The following GBP4 variants were observed in gnomAD, a reference collection of about 807,000 sequenced individuals.
GBP4 encodes guanylate binding protein 4.
A neutral mutation model predicts 62.2 loss-of-function variants in GBP4; 69 were observed. The observed-to-expected ratio is 1.11, with a 90% CI of 0.91 to 1.36. The LOEUF (loss-of-function observed/expected upper bound fraction) is 1.36. Among genes scored for constraint, GBP4 ranks in the 40% most tolerant of loss-of-function variants. GBP4 has a pLI of 0.00. For synonymous variants in GBP4, 278 were observed against 274.6 expected (o/e 1.01, Z -0.12); for missense variants, 697 against 759.3 (o/e 0.92, Z 0.96).
chr1:89,185,357 A>C lies in GBP4; in HGVS notation c.1820T>G (p.Leu607Arg). 3.7e-6 allele frequency: 6 copies of C among 1,610,268 alleles called. No individual in the cohort carries two copies. The East Asian group carries it at 6.7e-5, about 18-fold the overall frequency. ...IESTKNEQLRLLKILDMASNI... is the reference protein window; with the variant it reads ...IESTKNEQLRRLKILDMASNI... ...GCTAGCCATGTCAAGGATCTTTAAGAGCCTTAACTGTTCATTTTTAGTGCT... is the reference window on the plus strand; with the variant it reads ...GCTAGCCATGTCAAGGATCTTTAAGCGCCTTAACTGTTCATTTTTAGTGCT... The change falls in exon 11 of 11, where the codon CTC (leucine) becomes CGC (arginine). Residue 607 changes from leucine to arginine, a missense_variant. This residue lies in a region of GBP4 where 141 missense variants were observed against 196.6 expected (regional missense o/e 0.72). Coordinates refer to ENST00000355754, the MANE Select transcript of GBP4 (RefSeq NM_052941.5).
chr1:89,186,558 A>G (rs758903863), intron 9 of GBP4, 32 bp from the exon 10 acceptor site: 2 of 1,597,482 alleles, frequency 1.3e-6, no homozygotes, highest in Non-Finnish European at 1.7e-6. Context: ...GAGGGAAGAA[A>G]ATGACAGTTA....
rs371719087 is a variant in GBP4 at position 89,193,003 on chromosome 1, A to G, written c.571T>C (p.Phe191Leu). ...SSEFASFFPDFIWTVRDFTLE... is the reference protein window; with the variant it reads ...SSEFASFFPDLIWTVRDFTLE... ...GTAAAATCCCGAACAGTCCAAATAA[A>G]GTCTGGAAAGAAACTCGCAAACTCG... The change falls in exon 5 of 11, where the codon TTT (phenylalanine) becomes CTT (leucine). Residue 191 changes from phenylalanine (F) to leucine (L), a missense_variant. Transcript: ENST00000355754. The G allele has an allele frequency of 2.4e-5, 38 of 1,614,008 alleles. No individual in the cohort carries two copies. The highest frequency in any genetic ancestry group is 3.1e-5 in the Non-Finnish European group (36 of 1,180,010).
At position 89,186,348 on chromosome 1, in the gene GBP4, T is replaced by C; in HGVS notation, c.1692A>G (p.Leu564=). 6.2e-7 allele frequency: 1 copy of C among 1,613,252 alleles called. No individual in the cohort carries two copies. The highest frequency in any genetic ancestry group is 8.5e-7 in the Non-Finnish European group (1 of 1,179,206). ...ENLLREHERL[L]KHKLKVQEEM... is the part of the protein sequence containing the mutation. ...GGAGACTCACCTTCAGCTTGTGTTTTAGCAGCCTTTCATGCTCTCTGAGAA... is the reference window on the plus strand; with the variant it reads ...GGAGACTCACCTTCAGCTTGTGTTTCAGCAGCCTTTCATGCTCTCTGAGAA... Residue 564 remains leucine, a synonymous_variant, in exon 10 of 11, where the codon CTA becomes CTG. Coordinates refer to ENST00000355754, the MANE Select transcript of GBP4 (RefSeq NM_052941.5).
rs146992170 is a variant in GBP4, at chr1:89,186,520, C to T, written c.1520G>A (p.Arg507Gln). Residue 507 changes from arginine to glutamine, a missense_variant, in exon 10 of 11, where the codon CGG (arginine) becomes CAG (glutamine). Coordinates refer to ENST00000355754, the MANE Select transcript of GBP4 (RefSeq NM_052941.5). ...TAGEKAIAAE[R>Q]AMKEAAEKEQ... ...CTTCTCAGCTGCTTCCTTCATGGCCCGCTCCGCTATTCCACAAAGGTTTTA... is the reference window on the plus strand; with the variant it reads ...CTTCTCAGCTGCTTCCTTCATGGCCTGCTCCGCTATTCCACAAAGGTTTTA... 7.4e-5 allele frequency: 119 copies of T among 1,613,750 alleles called. No homozygotes were observed. In the East Asian group the frequency reaches 1.9e-3, roughly 25 times the overall value.
Position 89,190,289 on chromosome 1 carries a change from C to G in GBP4, c.946G>C (p.Asp316His). 4 of 1,610,992 alleles carry G rather than the reference C, an allele frequency of 2.5e-6. No individual in the cohort carries two copies. The South Asian group carries it at 4.4e-5, about 18-fold the overall frequency. Reference sequence around the variant, plus strand: ...GGTACTGCTCCACTGTTGATGGCATCTACATAAGTCACCACCAGAGTCCCC... The same window carrying G: ...GGTACTGCTCCACTGTTGATGGCATGTACATAAGTCACCACCAGAGTCCCC... ...RLGTLVVTYV[D>H]AINSGAVPCL... The change falls in exon 7 of 11, where the codon GAT becomes CAT. Residue 316 changes from aspartate to histidine, a missense_variant. This residue lies in a region of GBP4 where 556 missense variants were observed against 562.7 expected (regional missense o/e 0.99). Transcript: ENST00000355754.
At chr1:89,196,570 A>C (rs1308697191) in intron 2 of GBP4, among the ~76,000 whole-genome samples, 1 of 152,208 alleles carries the variant, frequency 6.6e-6, no homozygotes, top group East Asian at 1.9e-4. Flanking sequence ...CTTCACTGTA[A>C]AGGTATGTTG....
intron 9 of GBP4, among the ~76,000 whole-genome samples, chr1:89,186,782 C>T (rs138960536): frequency 0.011 from 1,631 of 152,300 alleles, 38 homozygotes; most frequent in African/African-American, 0.038. Context: ...AGGAAGCTCC[C>T]TCCTCTATAG....
At position 89,181,940 on chromosome 1, in the gene GBP4, AAC is replaced by A. The variant is rs1647892664; in HGVS notation, c.*3312_*3313del. Reference sequence around the variant, plus strand: ...GACTAAAATACCTAAAAATACAGCTAACCAAGGAAGCAAAAGATATATATAAT... The same window carrying A: ...GACTAAAATACCTAAAAATACAGCTACAAGGAAGCAAAAGATATATATAAT... On this transcript the variant is annotated 3_prime_UTR_variant, in exon 11 of 11. Transcript: ENST00000355754. 1 of 152,234 alleles carries A rather than the reference AAC, an allele frequency of 6.6e-6. No homozygotes were observed. Among genetic ancestry groups the A allele is most frequent in the African/African-American group, 2.4e-5 (1 of 41,468 alleles). The allele number at this position is 152,234 out of a possible 1,614,324, so 9.4% of individuals were successfully genotyped here. A position where few individuals can be genotyped will look rare whatever the true frequency, so the allele number is the denominator to read the frequency against.
At chr1:89,193,191 T>C (rs1648236531) in intron 4 of GBP4, 91 bp from the exon 5 acceptor site, 5 of 1,525,130 alleles carry the variant, frequency 3.3e-6, no homozygotes, top group Non-Finnish European at 4.5e-6. Context: ...CCTTTTGCAC[T>C]CTGTCTTTTC....
Position 89,198,865 on chromosome 1 carries a change from G to A in GBP4, c.-31C>T. 6.2e-7 allele frequency: 1 copy of A among 1,608,254 alleles called. No individual in the cohort carries two copies. The highest frequency in any genetic ancestry group is 2.2e-5 in the East Asian group (1 of 44,858). On this transcript the variant is annotated 5_prime_UTR_variant, in exon 1 of 11. Coordinates refer to ENST00000355754, the MANE Select transcript of GBP4 (RefSeq NM_052941.5). The stretch of plus-strand genomic sequence containing the variant: ...TGTCCTCCTGCGCCTGGATCCTCGA[G>A]AAACGGACTGTTCTTAGAAGCTGAA...
Position 89,198,386 on chromosome 1 carries a change from G to C in GBP4, c.40+409C>G, listed in dbSNP as rs146578765. Reference sequence around the variant, plus strand: ...CTGTCTGGCTCTTTCAGCTAAGGGAGAGTCAACTCAGGTTAAAACAAGGTA... The same window carrying C: ...CTGTCTGGCTCTTTCAGCTAAGGGACAGTCAACTCAGGTTAAAACAAGGTA... On this transcript the variant is annotated intron_variant, in intron 1 of 10. Coordinates refer to ENST00000355754, the MANE Select transcript of GBP4 (RefSeq NM_052941.5). Among the ~76,000 whole-genome samples, 18 of 152,240 alleles carry C rather than the reference G, an allele frequency of 1.2e-4. No individual in the cohort carries two copies. In the East Asian group the frequency reaches 3.5e-3, roughly 29 times the overall value.
intron 10 of GBP4, 31 bp from the exon 11 acceptor site, chr1:89,185,500 A>ATTGGAGAT: frequency 8.3e-7 from 1 of 1,210,388 alleles, no homozygotes; most frequent in Non-Finnish European, 1.2e-6. Context: ...ACTTTTGAAA[A>ATTGGAGAT]TCTCCAATTT....
intron 3 of GBP4, among the ~76,000 whole-genome samples, chr1:89,194,624 G>A (rs758544037): frequency 2.8e-4 from 43 of 152,066 alleles, no homozygotes; most frequent in Non-Finnish European, 8.8e-5. Flanking sequence ...TGGACTGATC[G>A]CACCTAACAC....
chr1:89,190,088 T>C lies in GBP4; in HGVS notation c.1147A>G (p.Met383Val), dbSNP rs1038021556. 2.5e-6 allele frequency: 4 copies of C among 1,614,154 alleles called. No homozygotes were observed. The highest frequency in any genetic ancestry group is 2.2e-5 in the East Asian group (1 of 44,876). ...ACEREAIAVFMEHSFKDENHE... is the reference protein window; with the variant it reads ...ACEREAIAVFVEHSFKDENHE... ...TTTTCATCCTTGAAGGAGTGCTCCA[T>C]GAAGACTGCAATGGCTTCCCTCTCA... Residue 383 changes from methionine (M) to valine (V), a missense_variant, in exon 7 of 11, where the codon ATG (methionine) becomes GTG (valine). Met to Val is a conservative substitution (Grantham distance 21, BLOSUM62 1). Transcript: ENST00000355754.
intron 10 of GBP4, 58 bp downstream of exon 10, chr1:89,186,275 T>A (rs1648029895): frequency 6.8e-7 from 1 of 1,465,502 alleles, no homozygotes; most frequent in East Asian, 2.3e-5. Context: ...TGGTCCTTCC[T>A]TTCCTAAAGA....
intron 9 of GBP4, 126 bp downstream of exon 9, chr1:89,186,874 A>T: frequency 1.2e-6 from 1 of 811,158 alleles, no homozygotes; most frequent in Non-Finnish European, 2.0e-6. Flanking sequence ...AGAACTTATT[A>T]ATATTTTAAC....
rs1313847892 is a variant in GBP4, at chr1:89,183,174, A to T, written c.*2080T>A. ...CATACTACAGAGCTACAGTAACCAA[A>T]ACAGCATGGTATTAGTAGAAAAACA... On this transcript the variant is annotated 3_prime_UTR_variant, in exon 11 of 11. Transcript: ENST00000355754. 1 of 152,264 alleles carries T rather than the reference A, an allele frequency of 6.6e-6. No individual in the cohort carries two copies. The highest frequency in any genetic ancestry group is 2.4e-5 in the African/African-American group (1 of 41,470). 9.4% of individuals were successfully genotyped at this position (152,264 alleles called of 1,614,324 possible).
intron 1 of GBP4, among the ~76,000 whole-genome samples, chr1:89,198,287 G>A (rs2224875): frequency 0.049 from 7,504 of 151,962 alleles, 626 homozygotes; most frequent in African/African-American, 0.17. Flanking sequence ...TGTGCTGGGA[G>A]TCAGCTTGCA....
At chr1:89,191,527 G>C (rs1221719306) in intron 5 of GBP4, 21 bp from the exon 6 acceptor site, 1 of 1,605,580 alleles carries the variant, frequency 6.2e-7, no homozygotes, top group Admixed American at 1.7e-5. Flanking sequence ...GTAAAAAAGA[G>C]GGCTCATTGA....
Sources: allele counts gnomAD v4.1 joint callset (sites outside exome capture counted in the v4.1 genomes callset), GRCh38; gene constraint gnomAD v4.1.1; regional missense constraint gnomAD v4.1.1; transcripts MANE v1.5; gene names NCBI Gene and HGNC (gene_info 2026-07-23, HGNC 2026-07-21).